Variants in FGF13 observed in about 807,000 individuals in gnomAD.
FGF13 encodes fibroblast growth factor 13, also known as fibroblast growth factor homologous factor 2.
A neutral mutation model predicts 19.5 loss-of-function variants in FGF13; 2 were observed. The ratio of observed to expected loss-of-function variants is 0.10; its 90% CI spans 0.04 to 0.32. The LOEUF is 0.32. Ranked by LOEUF, FGF13 falls within the 10% of genes least tolerant of loss-of-function variation. The pLI, the probability that FGF13 is intolerant of heterozygous loss-of-function variation, is 1.00. For synonymous variants in FGF13, 72 were observed against 76.9 expected (o/e 0.94, Z 0.33); for missense variants, 113 against 192.7 (o/e 0.59, Z 2.45).
intron 1 of FGF13, among the ~76,000 whole-genome samples, chrX:138,911,607 A>C (rs1283881748): frequency 9.0e-6 from 1 of 111,500 alleles, no homozygotes; most frequent in African/African-American, 3.3e-5. Flanking sequence ...GTACCCCTGA[A>C]ATTAAAATAA....
intron 1 of FGF13, among the ~76,000 whole-genome samples, chrX:139,178,984 A>G (rs1229450434): frequency 8.9e-6 from 1 of 112,337 alleles, no homozygotes; most frequent in Non-Finnish European, 1.9e-5. Context: ...AAAGAGAAAG[A>G]AAATCTACAT....
At chrX:138,781,850 A>G (rs1292830710) in intron 3 of FGF13, among the ~76,000 whole-genome samples, 2 of 111,951 alleles carry the variant, frequency 1.8e-5, no homozygotes, top group Non-Finnish European at 3.8e-5. Flanking sequence ...GCAGAGACAC[A>G]ACGAAAAAAG....
intron 3 of FGF13, among the ~76,000 whole-genome samples, chrX:138,790,174 T>C (rs2090731764): frequency 9.5e-6 from 1 of 105,240 alleles, no homozygotes; most frequent in Non-Finnish European, 2.0e-5. Context: ...GATGCCAGCG[T>C]GGTTGGATCC....
intron 1 of FGF13, among the ~76,000 whole-genome samples, chrX:139,190,685 T>C (rs917174789): frequency 4.4e-5 from 5 of 112,500 alleles, no homozygotes; most frequent in Non-Finnish European, 7.5e-5. Flanking sequence ...AATGTGAATA[T>C]ACTTAATACC....
chrX:138,772,873 C>T (rs903236208), intron 3 of FGF13, among the ~76,000 whole-genome samples: 2 of 110,202 alleles, frequency 1.8e-5, no homozygotes. Flanking sequence ...TGATAGCAAT[C>T]TGGACAAGTA....
chrX:138,981,318 T>TACACAC (rs57954256), intron 1 of FGF13, among the ~76,000 whole-genome samples: 1,003 of 96,993 alleles, frequency 0.01, 15 homozygotes, highest in African/African-American at 0.035. Context: ...ATTGTGTGCT[T>TACACAC]ACACACACAC....
intron 1 of FGF13, among the ~76,000 whole-genome samples, chrX:139,106,690 G>T (rs2083562798): frequency 8.9e-6 from 1 of 112,377 alleles, no homozygotes; most frequent in Non-Finnish European, 1.9e-5. Flanking sequence ...TGACTTCTAA[G>T]ATCTAGTTAG....
chrX:138,857,533 T>C lies in FGF13; in HGVS notation c.109A>G (p.Lys37Glu), dbSNP rs1312268930. 8.3e-7 allele frequency: 1 copy of C among 1,201,530 alleles called. No individual in the cohort carries two copies. The highest frequency in any genetic ancestry group is 1.1e-6 in the Non-Finnish European group (1 of 891,737). ...AAACCTTCCGGCTCTGTGTTCTCTT[T>C]GTGGTGTACTTGCTTCAGCGGGCAG... Residue 37 changes from lysine (K) to glutamate (E), a missense_variant, in exon 3 of 3, where the codon AAA (lysine) becomes GAA (glutamate). Coordinates refer to the FGF13 transcript ENST00000421460.
intron 1 of FGF13, among the ~76,000 whole-genome samples, chrX:139,025,957 C>A (rs2092199083): frequency 9.0e-6 from 1 of 111,114 alleles, no homozygotes. Flanking sequence ...TCCTTTGCAT[C>A]CACAACAATG....
At chrX:138,751,427 G>A (rs2090396763) in intron 3 of FGF13, among the ~76,000 whole-genome samples, 1 of 110,892 alleles carries the variant, frequency 9.0e-6, no homozygotes, top group African/African-American at 3.3e-5. Flanking sequence ...GCAGGTGGAG[G>A]GTAACTCTAT....
chrX:138,809,370 A>T (rs1288611170), intron 3 of FGF13, among the ~76,000 whole-genome samples: 2 of 112,094 alleles, frequency 1.8e-5, no homozygotes, highest in Non-Finnish European at 3.8e-5. Flanking sequence ...ATAGATGCAG[A>T]AAAGGCCTTC....
chrX:138,744,555 C>T (rs181907964), intron 3 of FGF13, among the ~76,000 whole-genome samples: 1 of 111,706 alleles, frequency 9.0e-6, no homozygotes, highest in African/African-American at 3.3e-5. Flanking sequence ...TTAGTCTCTT[C>T]TTGCCCATTC....
intron 3 of FGF13, among the ~76,000 whole-genome samples, chrX:138,670,048 CA>C (rs2089595992): frequency 8.9e-6 from 1 of 111,755 alleles, no homozygotes; most frequent in Non-Finnish European, 1.9e-5. Flanking sequence ...TTATTGTCAG[CA>C]TCAAATTTAA....
chrX:138,623,918 T>C lies in FGF13; in HGVS notation c.*8932A>G, dbSNP rs998997926. The C allele has an allele frequency of 5.3e-5, 6 of 112,219 alleles. No individual in the cohort carries two copies. The allele number at this position is 112,219 out of a possible 1,213,427, so 9.2% of individuals were successfully genotyped here. On this transcript the variant is annotated 3_prime_UTR_variant, in exon 5 of 5. Transcript: ENST00000315930. ...AATCTGTACATTAAAAACTATAAGA[T>C]ACTGATGAAAGGAATTGAAGAAGAG... is the stretch of plus-strand genomic sequence containing the variant.
chrX:138,753,750 A>C (rs1431610716), intron 3 of FGF13, among the ~76,000 whole-genome samples: 1 of 112,148 alleles, frequency 8.9e-6, no homozygotes, highest in African/African-American at 3.2e-5. Flanking sequence ...GGCTGACTAC[A>C]CTTGACAGTT....
At chrX:138,710,786 T>TG (rs1168872267) in intron 1 of FGF13, 31 bp downstream of exon 1, 1 of 1,207,948 alleles carries the variant, frequency 8.3e-7, no homozygotes, top group Non-Finnish European at 1.1e-6. Context: ...TCGTAAAGTA[T>TG]GGGGAAAAGA....
intron 3 of FGF13, among the ~76,000 whole-genome samples, chrX:138,749,643 C>G (rs1037888768): frequency 5.4e-5 from 6 of 111,330 alleles, no homozygotes; most frequent in Non-Finnish European, 7.5e-5. Context: ...TTGGGACAGT[C>G]TAGCACAGTT....
intron 3 of FGF13, among the ~76,000 whole-genome samples, chrX:138,646,676 T>C (rs969420896): frequency 8.9e-6 from 1 of 112,025 alleles, no homozygotes; most frequent in Admixed American, 9.5e-5. Context: ...TTATTTCCAG[T>C]GAACTCTACT....
intron 1 of FGF13, among the ~76,000 whole-genome samples, chrX:139,024,622 G>T (rs1403217600): frequency 1.8e-5 from 2 of 111,522 alleles, no homozygotes; most frequent in Non-Finnish European, 3.8e-5. Flanking sequence ...GGATCCTTAA[G>T]ATCATAGTAG....
Sources: allele counts gnomAD v4.1 joint callset (sites outside exome capture counted in the v4.1 genomes callset), GRCh38; gene constraint gnomAD v4.1.1; transcripts MANE v1.5; gene names NCBI Gene and HGNC (gene_info 2026-07-23, HGNC 2026-07-21).